The following POLN variants were observed in gnomAD, a reference collection of about 807,000 sequenced individuals.
POLN encodes the protein DNA polymerase N.
Under a neutral mutation model 113.5 loss-of-function variants are expected in POLN, and 108 were observed. The ratio of observed to expected loss-of-function variants is 0.95; its 90% CI spans 0.81 to 1.12. POLN has a LOEUF of 1.12. POLN is among the 50% of genes most tolerant of loss of function. The pLI, the probability that POLN is intolerant of heterozygous loss-of-function variation, is 0.00. For synonymous variants in POLN, 386 were observed against 391.5 expected (o/e 0.99, Z 0.17); for missense variants, 1,097 against 1,077.1 (o/e 1.02, Z -0.26).
chr4:2,204,608 A>C (rs1733800526), intron 5 of POLN, among the ~76,000 whole-genome samples: 1 of 152,170 alleles, frequency 6.6e-6, no homozygotes, highest in East Asian at 1.9e-4. Context: ...GTATCACCCT[A>C]ATACCAATAC....
chr4:2,124,190 C>T (rs1030660868), intron 19 of POLN, among the ~76,000 whole-genome samples: 12 of 152,054 alleles, frequency 7.9e-5, no homozygotes, highest in African/African-American at 2.7e-4. Flanking sequence ...GGCCGGGAGG[C>T]GGGGTGAATT....
At chr4:2,130,791 A>G (rs1306030405) in intron 17 of POLN, among the ~76,000 whole-genome samples, 1 of 152,164 alleles carries the variant, frequency 6.6e-6, no homozygotes, top group Non-Finnish European at 1.5e-5. Flanking sequence ...TCATTCTTTC[A>G]ATGTATGTTT....
intron 19 of POLN, among the ~76,000 whole-genome samples, chr4:2,120,250 T>C (rs1367557111): frequency 2.6e-5 from 4 of 152,214 alleles, no homozygotes; most frequent in African/African-American, 9.7e-5. Context: ...CCTTTTCATA[T>C]ACATTTTAGA....
At chr4:2,166,615 T>C (rs1732734975) in intron 13 of POLN, among the ~76,000 whole-genome samples, 1 of 152,110 alleles carries the variant, frequency 6.6e-6, no homozygotes, top group Admixed American at 6.5e-5. Context: ...GACTATCCAA[T>C]CAGCTAGGGG....
At position 2,081,163 on chromosome 4, in the gene POLN, G is replaced by A. The variant is rs773037168; in HGVS notation, c.2309-127C>T. On this transcript the variant is annotated intron_variant, in intron 22 of 25. Coordinates refer to ENST00000511885, the MANE Select transcript of POLN (RefSeq NM_181808.4). ...GAGGTGCTGGCTCTGAGCTGTCTGA[G>A]TGCCAGGGCCACAGATGACTGCAGG... The A allele has an allele frequency of 1.4e-5, 22 of 1,596,628 alleles. No individual in the cohort carries two copies. The African/African-American group carries it at 2.8e-4, about 20-fold the overall frequency.
chr4:2,170,229 T>C (rs1415508796), intron 13 of POLN, among the ~76,000 whole-genome samples: 1 of 152,192 alleles, frequency 6.6e-6, no homozygotes, highest in African/African-American at 2.4e-5. Context: ...TATCGATCTA[T>C]ACTCTCCCAC....
At chr4:2,123,822 G>A (rs547339587) in intron 19 of POLN, among the ~76,000 whole-genome samples, 4 of 151,218 alleles carry the variant, frequency 2.6e-5, no homozygotes, top group East Asian at 3.9e-4. Context: ...AACCAAAACC[G>A]AAGCCAAAAC....
intron 6 of POLN, among the ~76,000 whole-genome samples, chr4:2,194,070 T>C (rs1039640365): frequency 2.6e-5 from 4 of 152,222 alleles, no homozygotes; most frequent in Non-Finnish European, 4.4e-5. Flanking sequence ...TGTGAAGTGA[T>C]TGTTGCACTG....
intron 2 of POLN, among the ~76,000 whole-genome samples, chr4:2,238,292 A>G (rs1214102505): frequency 1.3e-5 from 2 of 152,176 alleles, no homozygotes; most frequent in African/African-American, 4.8e-5. Context: ...AGCTGTATTC[A>G]AACTTCCTGC....
chr4:2,163,605 C>T lies in POLN; in HGVS notation c.1555-4394G>A, dbSNP rs780958334. Among the ~76,000 whole-genome samples, 7 of 152,364 alleles carry T rather than the reference C, an allele frequency of 4.6e-5. No homozygotes were observed. The East Asian group carries it at 5.8e-4, about 13-fold the overall frequency. On this transcript the variant is annotated intron_variant, in intron 13 of 25. Coordinates refer to ENST00000511885, the MANE Select transcript of POLN (RefSeq NM_181808.4). ...CACTGACCTTTAAAGATCAGTTTCTCGGAGTTTAACTCTGTGGTTATCTAT... is the reference window on the plus strand; with the variant it reads ...CACTGACCTTTAAAGATCAGTTTCTTGGAGTTTAACTCTGTGGTTATCTAT...
At chr4:2,098,960 C>T (rs575814185) in intron 19 of POLN, among the ~76,000 whole-genome samples, 1 of 152,224 alleles carries the variant, frequency 6.6e-6, no homozygotes, top group African/African-American at 2.4e-5. Flanking sequence ...GAGGTTAAGT[C>T]AAGGGACACA....
At position 2,155,676 on chromosome 4, in the gene POLN, T is replaced by TTA. The variant is rs201245383; in HGVS notation, c.1731+1110_1731+1111dup. Among the ~76,000 whole-genome samples the TTA allele has an allele frequency of 2.8e-3, 422 of 152,226 alleles. 1 individual carries two copies. The highest frequency in any genetic ancestry group is 4.2e-3 in the Non-Finnish European group (284 of 68,006). The stretch of plus-strand genomic sequence containing the variant: ...CTTTACCATGAATACATATTCATAT[T>TTA]TATATATATATGTTAGTGTGTACTT... On this transcript the variant is annotated intron_variant, in intron 16 of 25. Coordinates refer to ENST00000511885, the MANE Select transcript of POLN (RefSeq NM_181808.4).
At chr4:2,121,036 A>G (rs1177959899) in intron 19 of POLN, among the ~76,000 whole-genome samples, 1 of 152,082 alleles carries the variant, frequency 6.6e-6, no homozygotes, top group Non-Finnish European at 1.5e-5. Context: ...TTTCCAATCT[A>G]TATGTCATTT....
Position 2,208,008 on chromosome 4 carries a change from G to A in POLN, c.693C>T (p.Ser231=), listed in dbSNP as rs1178568821. 6 of 1,608,898 alleles carry A rather than the reference G, an allele frequency of 3.7e-6. No homozygotes were observed. The highest frequency in any genetic ancestry group is 5.1e-6 in the Non-Finnish European group (6 of 1,178,360). Reference sequence around the variant, plus strand: ...TAACCTGGTCAGCTCCTAGCTGGGTGGAACCATCAGTATACATCACAGTTA... The same window carrying A: ...TAACCTGGTCAGCTCCTAGCTGGGTAGAACCATCAGTATACATCACAGTTA... ...LVITVMYTDG[S]TQLGADQTPV... is the part of the protein sequence containing the mutation. The change falls in exon 5 of 26, where the codon TCC becomes TCT. Residue 231 remains serine, a synonymous_variant. Transcript: ENST00000511885.
At chr4:2,238,983 G>C in intron 2 of POLN, 1 of 1,583,180 alleles carries the variant, frequency 6.3e-7, no homozygotes, top group Non-Finnish European at 8.6e-7. Flanking sequence ...TCTTTTTCAA[G>C]TTTCATAATC....
At chr4:2,218,129 A>C (rs1337216721) in intron 3 of POLN, among the ~76,000 whole-genome samples, 1 of 152,088 alleles carries the variant, frequency 6.6e-6, no homozygotes, top group Non-Finnish European at 1.5e-5. Flanking sequence ...TCTTGGGGAA[A>C]AATAAAAAAT....
intron 19 of POLN, among the ~76,000 whole-genome samples, chr4:2,123,090 G>A (rs764677970): frequency 6.6e-6 from 1 of 151,922 alleles, no homozygotes; most frequent in Non-Finnish European, 1.5e-5. Context: ...TCCAGCAAGC[G>A]GTTGAGGCTG....
At chr4:2,115,226 ATAT>A (rs1731288163) in intron 19 of POLN, among the ~76,000 whole-genome samples, 1 of 107,578 alleles carries the variant, frequency 9.3e-6, no homozygotes, top group African/African-American at 3.5e-5. Flanking sequence ...ATATATATAT[ATAT>A]TTTTTTTTTT....
rs1312509649 is a variant in POLN at position 2,093,421 on chromosome 4, C to T, written c.2065+2430G>A. On this transcript the variant is annotated intron_variant, in intron 20 of 25. Coordinates refer to ENST00000511885, the MANE Select transcript of POLN (RefSeq NM_181808.4). This position sits in a 1 kb window ranked among gnomAD's most constrained non-coding sequence, Gnocchi z 4.1. ...GAGCTGACTGTGTGCCAGGTATGGC[C>T]CCATGCACCCTATGAGAGCATTTTC... Among the ~76,000 whole-genome samples, 2 of 152,158 alleles carry T rather than the reference C, an allele frequency of 1.3e-5. No individual in the cohort carries two copies. The highest frequency in any genetic ancestry group is 2.9e-5 in the Non-Finnish European group (2 of 68,022).
Sources: allele counts gnomAD v4.1 joint callset (sites outside exome capture counted in the v4.1 genomes callset), GRCh38; gene constraint gnomAD v4.1.1; non-coding constraint Gnocchi (gnomAD v3.1); transcripts MANE v1.5; gene names NCBI Gene and HGNC (gene_info 2026-07-23, HGNC 2026-07-21).